ASPHD2: variants seen among roughly 807,000 people sequenced by gnomAD.
ASPHD2 encodes aspartate beta-hydroxylase domain-containing protein 2.
A neutral mutation model predicts 34.6 loss-of-function variants in ASPHD2; 12 were observed. The observed-to-expected ratio is 0.35, with a 90% CI of 0.22 to 0.56. The LOEUF (loss-of-function observed/expected upper bound fraction) is 0.56, where lower values mean the gene tolerates loss of function less well. Among genes scored for constraint, ASPHD2 ranks in the 20% least tolerant of loss-of-function variants. The pLI is 0.87. For synonymous variants in ASPHD2, 224 were observed against 212.2 expected, an observed-to-expected ratio of 1.06 and a Z score of -0.48; for missense variants, 375 against 505.0, an observed-to-expected ratio of 0.74 and a Z score of 2.47.
At chr22:26,439,324 A>C (rs1057266349) in intron 2 of ASPHD2, among the ~76,000 whole-genome samples, 4 of 152,100 alleles carry the variant, frequency 2.6e-5, no homozygotes, top group Non-Finnish European at 4.4e-5. Context: ...GCTTGAACCC[A>C]AGAGGCAGAG....
chr22:26,438,442 C>CAT (rs1306982478), intron 2 of ASPHD2, among the ~76,000 whole-genome samples: 4 of 136,424 alleles, frequency 2.9e-5, no homozygotes, highest in Middle Eastern at 3.8e-3. Context: ...TACACACATA[C>CAT]ATATATATAC....
chr22:26,442,121 AAAAG>A, intron 2 of ASPHD2, among the ~76,000 whole-genome samples: 1 of 151,542 alleles, frequency 6.6e-6, no homozygotes, highest in Non-Finnish European at 1.5e-5. Context: ...AAAAAAAAAA[AAAAG>A]GGAAAAGAAA....
chr22:26,433,785 A>G lies in ASPHD2; in HGVS notation c.170A>G (p.Asp57Gly), dbSNP rs1320214261. 1 of 1,613,836 alleles carries G rather than the reference A, an allele frequency of 6.2e-7. No homozygotes were observed. Among genetic ancestry groups the G allele is most frequent in the Admixed American group, 1.7e-5 (1 of 60,020 alleles). Residue 57 changes from aspartate to glycine, a missense_variant, in exon 2 of 4, where the codon GAC (aspartate) becomes GGC (glycine). Asp to Gly is a moderately conservative substitution (Grantham distance 94). Transcript: ENST00000215906. This position sits in a 1 kb window ranked among gnomAD's most constrained non-coding sequence, Gnocchi z 5.1. The part of the protein sequence containing the change: ...ATGIQSVRDC[D>G]TTAVITVACL... ...GGCATCCAGTCCGTGCGGGACTGCG[A>G]CACCACCGCTGTCATCACTGTGGCC... is the stretch of plus-strand genomic sequence containing the variant.
Position 26,433,765 on chromosome 22 carries a change from C to G in ASPHD2, c.150C>G (p.Ile50Met). ...TGAGGGACTGCATCGCCACCGGCAT[C>G]CAGTCCGTGCGGGACTGCGACACCA... is the stretch of plus-strand genomic sequence containing the variant. ...DGLRDCIATG[I>M]QSVRDCDTTA... Residue 50 changes from isoleucine to methionine, a missense_variant, in exon 2 of 4, where the codon ATC becomes ATG. By Grantham distance (10) the Ile-to-Met change is conservative (BLOSUM62 1). Around this residue, in one of 3 missense-constraint regions of ASPHD2, gnomAD observed 223 missense variants for 257.8 expected, o/e 0.87. Coordinates refer to ENST00000215906, the MANE Select transcript of ASPHD2 (RefSeq NM_020437.5). This position sits in a 1 kb window ranked among gnomAD's most constrained non-coding sequence, Gnocchi z 5.1. The G allele has an allele frequency of 6.2e-7, 1 of 1,613,886 alleles. No homozygotes were observed.
chr22:26,441,263 G>A (rs528702051), intron 2 of ASPHD2, among the ~76,000 whole-genome samples: 3 of 151,828 alleles, frequency 2.0e-5, no homozygotes, highest in Admixed American at 6.6e-5. Context: ...GATAGCTTGA[G>A]GCCAGGAGTT....
intron 2 of ASPHD2, among the ~76,000 whole-genome samples, chr22:26,435,193 AT>A (rs1383704446): frequency 2.0e-5 from 3 of 152,148 alleles, no homozygotes; most frequent in Non-Finnish European, 2.9e-5. Context: ...CAATTTCACT[AT>A]TTGGGAAGTG....
At chr22:26,438,608 C>CAT (rs35169865) in intron 2 of ASPHD2, among the ~76,000 whole-genome samples, 15,405 of 129,980 alleles carry the variant, frequency 0.12, 1,356 homozygotes, top group Non-Finnish European at 0.17. Context: ...CACATATATA[C>CAT]ATATATATAT....
At chr22:26,439,510 C>T (rs2084822977) in intron 2 of ASPHD2, among the ~76,000 whole-genome samples, 1 of 152,194 alleles carries the variant, frequency 6.6e-6, no homozygotes, top group African/African-American at 2.4e-5. Context: ...TTTATAACAG[C>T]CTGTTCTTTG....
rs543459698 is a variant in ASPHD2 at position 26,439,622 on chromosome 22, T to C, written c.887-2837T>C. On this transcript the variant is annotated intron_variant, in intron 2 of 3. Transcript: ENST00000215906. ...AGTGGGTGAAGTGATACCTGTTAAG[T>C]GTGTATTTAGCACAAAGCTGAGTAG... 2.2e-4 allele frequency among the ~76,000 whole-genome samples: 34 copies of C among 152,308 alleles called. 1 individual carries two copies. The highest frequency in any genetic ancestry group is 4.1e-4 in the Non-Finnish European group (28 of 68,016).
chr22:26,438,644 T>TAC (rs1265684721), intron 2 of ASPHD2, among the ~76,000 whole-genome samples: 2 of 94,470 alleles, frequency 2.1e-5, no homozygotes, highest in African/African-American at 4.3e-5. Context: ...CATATATATA[T>TAC]ACACATACAT....
At chr22:26,438,668 C>T (rs80086469) in intron 2 of ASPHD2, among the ~76,000 whole-genome samples, 12,694 of 77,746 alleles carry the variant, frequency 0.16, 1,400 homozygotes, top group South Asian at 0.3. Flanking sequence ...TATATATACA[C>T]ATACATACAT....
At chr22:26,438,582 C>CATACATATATATACACACATAT (rs2084813199) in intron 2 of ASPHD2, among the ~76,000 whole-genome samples, 3 of 137,748 alleles carry the variant, frequency 2.2e-5, no homozygotes, top group East Asian at 2.1e-4. Flanking sequence ...CATATATATA[C>CATACATATATATACACACATAT]ATACATATAT....
rs77151567 is a variant in ASPHD2 at position 26,433,427 on chromosome 22, C to T, written c.-189C>T. On this transcript the variant is annotated 5_prime_UTR_variant, in exon 2 of 4. Coordinates refer to ENST00000215906, the MANE Select transcript of ASPHD2 (RefSeq NM_020437.5). The surrounding 1 kb of genome is among the most constrained non-coding windows in gnomAD (Gnocchi z 5.1). ...CCTAAACAAATCCTTTCACAGGGAC[C>T]GACGGCACTTGATAATGTGACAAAA... 8.2e-4 allele frequency: 465 copies of T among 569,904 alleles called. 2 individuals are homozygous for T. Among genetic ancestry groups the T allele is most frequent in the African/African-American group, 8.0e-3 (425 of 52,990 alleles). The allele number at this position is 569,904 out of a possible 1,614,324, so 35.3% of individuals were successfully genotyped here. A position where few individuals can be genotyped will look rare whatever the true frequency, so the allele number is the denominator to read the frequency against.
intron 2 of ASPHD2, among the ~76,000 whole-genome samples, chr22:26,441,478 TAAAAA>T (rs34554219): frequency 4.5e-4 from 43 of 95,636 alleles, no homozygotes; most frequent in African/African-American, 1.9e-3. Context: ...ACCTTGTATC[TAAAAA>T]AAAAAAAAAA....
Position 26,429,687 on chromosome 22 carries a change from C to A in ASPHD2, c.-225+201C>A, listed in dbSNP as rs950476688. On this transcript the variant is annotated intron_variant, in intron 1 of 3. Coordinates refer to ENST00000215906, the MANE Select transcript of ASPHD2 (RefSeq NM_020437.5). The surrounding 1 kb of genome is among the most constrained non-coding windows in gnomAD (Gnocchi z 4.5). Reference sequence around the variant, plus strand: ...GGCCCGGCCGAGGCCAGTGCTCGTACGTGCTAAGCGCCGCCGCCTCGGAGC... The same window carrying A: ...GGCCCGGCCGAGGCCAGTGCTCGTAAGTGCTAAGCGCCGCCGCCTCGGAGC... 6.6e-6 allele frequency among the ~76,000 whole-genome samples: 1 copy of A among 151,974 alleles called. No homozygotes were observed. Among genetic ancestry groups the A allele is most frequent in the African/African-American group, 2.4e-5 (1 of 41,436 alleles).
chr22:26,433,540 C>G lies in ASPHD2; in HGVS notation c.-76C>G. On this transcript the variant is annotated 5_prime_UTR_variant, in exon 2 of 4. Transcript: ENST00000215906. The surrounding 1 kb of genome is among the most constrained non-coding windows in gnomAD (Gnocchi z 5.1). ...ACCTTGTCGTTCATCAATGCCGCCC[C>G]TGGCAGTATCTGAGGATCGGTGGCA... The G allele has an allele frequency of 9.0e-7, 1 of 1,115,422 alleles. No homozygotes were observed. The allele number at this position is 1,115,422 out of a possible 1,614,324, so 69.1% of individuals were successfully genotyped here. A position where few individuals can be genotyped will look rare whatever the true frequency, so the allele number is the denominator to read the frequency against.
At chr22:26,430,935 G>C (rs149393888) in intron 1 of ASPHD2, among the ~76,000 whole-genome samples, 1,892 of 152,180 alleles carry the variant, frequency 0.012, 16 homozygotes, top group Non-Finnish European at 0.019. Flanking sequence ...ACAGGGCTGG[G>C]GTGTCCAGTG....
At chr22:26,438,508 T>C (rs1742546157) in intron 2 of ASPHD2, among the ~76,000 whole-genome samples, 4 of 107,674 alleles carry the variant, frequency 3.7e-5, no homozygotes, top group African/African-American at 6.5e-5. Flanking sequence ...CATACATATA[T>C]ATACATACAT....
At chr22:26,431,937 T>G (rs1433006544) in intron 1 of ASPHD2, among the ~76,000 whole-genome samples, 1 of 152,240 alleles carries the variant, frequency 6.6e-6, no homozygotes, top group African/African-American at 2.4e-5. Flanking sequence ...GGCTCACGCC[T>G]GTAATCCCAA....
Sources: allele counts gnomAD v4.1 joint callset (sites outside exome capture counted in the v4.1 genomes callset), GRCh38; gene constraint gnomAD v4.1.1; regional missense constraint gnomAD v4.1.1; non-coding constraint Gnocchi (gnomAD v3.1); transcripts MANE v1.5; gene names NCBI Gene and HGNC (gene_info 2026-07-23, HGNC 2026-07-21).